Variants in ZNF385D observed in about 807,000 individuals in gnomAD.
ZNF385D encodes the protein zinc finger protein 385D, also known as zinc finger protein 659.
ZNF385D carries 15 observed loss-of-function variants against 35.8 expected under a neutral mutation model. The ratio of observed to expected loss-of-function variants is 0.42; its 90% confidence interval spans 0.28 to 0.64. The LOEUF (loss-of-function observed/expected upper bound fraction) is 0.64. ZNF385D is among the 30% of genes least tolerant of loss of function. The pLI is 0.23. For synonymous variants in ZNF385D, 212 were observed against 186.8 expected, an observed-to-expected ratio of 1.13 and a Z score of -1.10; for missense variants, 474 against 494.6, an observed-to-expected ratio of 0.96 and a Z score of 0.39.
chr3:22,088,217 A>G (rs1701145756), intron 3 of ZNF385D, among the ~76,000 whole-genome samples: 1 of 152,236 alleles, frequency 6.6e-6, no homozygotes, highest in Non-Finnish European at 1.5e-5. Context: ...TAACATGGGC[A>G]CGATGAGCAA....
chr3:22,037,845 T>C (rs1383363296), intron 3 of ZNF385D, among the ~76,000 whole-genome samples: 2 of 152,138 alleles, frequency 1.3e-5, no homozygotes, highest in African/African-American at 4.8e-5. Flanking sequence ...GTTTTAGGTC[T>C]AACAAAACAG....
At chr3:22,301,196 G>A (rs1283422860) in intron 2 of ZNF385D, among the ~76,000 whole-genome samples, 2 of 152,030 alleles carry the variant, frequency 1.3e-5, no homozygotes, top group Admixed American at 6.6e-5. Flanking sequence ...GACAACTACT[G>A]CATGACCTCA....
intron 1 of ZNF385D, among the ~76,000 whole-genome samples, chr3:21,747,097 G>A (rs1442097159): frequency 1.5e-5 from 2 of 132,480 alleles, no homozygotes; most frequent in African/African-American, 2.9e-5. Flanking sequence ...TTTTTGTTTT[G>A]TTTTGTTTTT....
At chr3:21,768,375 C>G (rs2070922666) in intron 3 of ZNF385D, among the ~76,000 whole-genome samples, 1 of 151,942 alleles carries the variant, frequency 6.6e-6, no homozygotes, top group Non-Finnish European at 1.5e-5. Context: ...TGGGAAGTAG[C>G]AGAGTAGAAA....
intron 2 of ZNF385D, among the ~76,000 whole-genome samples, chr3:21,592,543 CAA>C (rs3041752): frequency 1.6e-5 from 2 of 124,970 alleles, no homozygotes; most frequent in Middle Eastern, 4.0e-3. Context: ...GTCTTCATGG[CAA>C]AAAAAAAAAA....
At chr3:21,933,750 G>C (rs1237251265) in intron 3 of ZNF385D, among the ~76,000 whole-genome samples, 1 of 152,068 alleles carries the variant, frequency 6.6e-6, no homozygotes, top group Non-Finnish European at 1.5e-5. Context: ...AAGTCAAATT[G>C]TTTCAACTCA....
intron 1 of ZNF385D, among the ~76,000 whole-genome samples, chr3:21,713,747 A>G (rs1360121917): frequency 6.6e-6 from 1 of 152,116 alleles, no homozygotes; most frequent in Non-Finnish European, 1.5e-5. Context: ...CTTGTCTTCT[A>G]CCCTACCCAT....
chr3:21,499,442 C>G (rs528384501), intron 4 of ZNF385D, among the ~76,000 whole-genome samples: 3 of 151,960 alleles, frequency 2.0e-5, no homozygotes, highest in African/African-American at 7.2e-5. Context: ...TACATATGAA[C>G]ACAAAGAAAG....
chr3:22,247,015 A>C (rs997208883), intron 2 of ZNF385D, among the ~76,000 whole-genome samples: 3 of 152,150 alleles, frequency 2.0e-5, no homozygotes, highest in Non-Finnish European at 4.4e-5. Flanking sequence ...ATATACACAA[A>C]CAACTTCATT....
chr3:22,366,892 TG>T (rs1401516326), intron 2 of ZNF385D, among the ~76,000 whole-genome samples: 3 of 152,044 alleles, frequency 2.0e-5, no homozygotes, highest in Non-Finnish European at 2.9e-5. Flanking sequence ...AGGCCGAGAT[TG>T]GAGTGATGTG....
intron 3 of ZNF385D, among the ~76,000 whole-genome samples, chr3:22,150,662 T>C (rs1168239531): frequency 1.3e-5 from 2 of 152,208 alleles, no homozygotes; most frequent in African/African-American, 2.4e-5. Flanking sequence ...ATAAGGATAG[T>C]AGTTAAGATA....
intron 3 of ZNF385D, among the ~76,000 whole-genome samples, chr3:21,880,252 A>G (rs1010443944): frequency 8.5e-5 from 13 of 152,088 alleles, no homozygotes; most frequent in African/African-American, 2.9e-4. Flanking sequence ...ATTTTATTGC[A>G]CTTTGCTTTA....
chr3:21,860,249 A>G lies in ZNF385D; in HGVS notation c.326-195221T>C, dbSNP rs1575792827. ...TTTTCAGTTTTGTGCTGACATGATC[A>G]CTGTCATAACTACTCAACTGTCTCA... On this transcript the variant is annotated intron_variant, in intron 3 of 5. Transcript: ENST00000494108. Among the ~76,000 whole-genome samples the G allele has an allele frequency of 2.6e-5, 4 of 152,226 alleles. No individual in the cohort carries two copies. In the South Asian group the frequency reaches 8.3e-4, roughly 32 times the overall value.
intron 1 of ZNF385D, among the ~76,000 whole-genome samples, chr3:21,688,144 C>T (rs886800866): frequency 6.6e-6 from 1 of 151,842 alleles, no homozygotes; most frequent in Non-Finnish European, 1.5e-5. Flanking sequence ...CTACTGCTTT[C>T]TTTTTTTAAA....
intron 3 of ZNF385D, among the ~76,000 whole-genome samples, chr3:21,972,822 G>A (rs774031963): frequency 2.0e-5 from 3 of 151,774 alleles, no homozygotes; most frequent in Non-Finnish European, 4.4e-5. Flanking sequence ...ATTGGAAAAC[G>A]TAAAAGAATA....
At chr3:22,237,498 T>G (rs1278764198) in intron 2 of ZNF385D, among the ~76,000 whole-genome samples, 2 of 152,200 alleles carry the variant, frequency 1.3e-5, no homozygotes, top group African/African-American at 4.8e-5. Context: ...GATGTTTTAA[T>G]TTTTATGTAG....
chr3:22,027,042 C>T (rs552243417), intron 3 of ZNF385D, among the ~76,000 whole-genome samples: 14 of 152,338 alleles, frequency 9.2e-5, no homozygotes, highest in Non-Finnish European at 1.3e-4. Context: ...TTCTTTTTCT[C>T]CATTCCTGTC....
intron 3 of ZNF385D, among the ~76,000 whole-genome samples, chr3:22,084,675 CAGA>C (rs1294098502): frequency 1.3e-5 from 2 of 152,076 alleles, no homozygotes; most frequent in Non-Finnish European, 2.9e-5. Flanking sequence ...ATCAATGAGA[CAGA>C]AGGTTAAGGA....
intron 3 of ZNF385D, among the ~76,000 whole-genome samples, chr3:22,149,021 G>A (rs963401509): frequency 2.0e-5 from 3 of 152,160 alleles, no homozygotes; most frequent in South Asian, 2.1e-4. Flanking sequence ...GGGAGTAAAG[G>A]GTGCCATGGG....
Sources: gnomAD v4.1 joint callset for allele counts (sites outside exome capture counted in the v4.1 genomes callset) on GRCh38, gnomAD v4.1.1 for gene constraint, MANE v1.5 for transcripts, NCBI Gene and HGNC (gene_info 2026-07-23, HGNC 2026-07-21) for gene names.